Variants in MCM5 observed in about 807,000 individuals in gnomAD.
MCM5 encodes minichromosome maintenance complex component 5.
A neutral mutation model predicts 79.9 loss-of-function variants in MCM5; 46 were observed. The observed-to-expected ratio is 0.58, with a 90% CI of 0.45 to 0.74. The LOEUF (loss-of-function observed/expected upper bound fraction) is 0.74. MCM5 is among the 30% of genes least tolerant of loss of function. MCM5 has a pLI of 0.00. For missense variants in MCM5, 883 were observed against 1,017.0 expected (o/e 0.87, Z 1.79); for synonymous variants, 404 against 390.5 (o/e 1.03, Z -0.41).
At chr22:35,433,261 C>T in the MCM5 span, among the ~76,000 whole-genome samples, 15 of 152,180 alleles carry the variant, frequency 9.9e-5, no homozygotes, top group Non-Finnish European at 1.9e-4. Flanking sequence ...CATGATAGAA[C>T]TTCAACCCTT....
intron 15 of MCM5, chr22:35,422,961 C>T (rs1932732278): frequency 3.1e-6 from 1 of 327,224 alleles, no homozygotes; most frequent in Non-Finnish European, 5.5e-6. Flanking sequence ...CTGCGCTGGG[C>T]CCCGGGCTGC....
chr22:35,417,542 C>A (rs1932577593), intron 12 of MCM5, among the ~76,000 whole-genome samples: 1 of 152,238 alleles, frequency 6.6e-6, no homozygotes, highest in Non-Finnish European at 1.5e-5. Flanking sequence ...ATTAAGTTCT[C>A]TCTAAAGGAG....
downstream of MCM5, among the ~76,000 whole-genome samples, chr22:35,428,010 T>TCG (rs1272508591): frequency 4.5e-5 from 6 of 133,048 alleles, no homozygotes; most frequent in Admixed American, 7.2e-5. Flanking sequence ...CCCCCATCGC[T>TCG]CTCTCTCTCT....
intron 2 of MCM5, chr22:35,401,510 G>C (rs1372373356): frequency 4.3e-6 from 2 of 467,618 alleles, no homozygotes; most frequent in African/African-American, 2.0e-5. Flanking sequence ...TCATAGGCCC[G>C]GCCTCTATCC....
chr22:35,453,819 T>TATATAGAGAGAGAGAGAG, the MCM5 span, among the ~76,000 whole-genome samples: 13 of 81,546 alleles, frequency 1.6e-4, no homozygotes, highest in African/African-American at 5.4e-4. Flanking sequence ...TATATATATA[T>TATATAGAGAGAGAGAGAG]AGAGAGAGAG....
In MCM5 at chr22:35,416,637, G is replaced by A; in HGVS notation, c.1414-1G>A. On this transcript the variant is annotated splice_acceptor_variant, in intron 11 of 16. Transcript: ENST00000216122. LOFTEE classifies it high-confidence loss of function. ...CCTTTTCGTCGTCTGTCGCCTGTTAGGCTGGGATCACCACCACCCTGAACT... is the reference window on the plus strand; with the variant it reads ...CCTTTTCGTCGTCTGTCGCCTGTTAAGCTGGGATCACCACCACCCTGAACT... 6.2e-7 allele frequency: 1 copy of A among 1,612,556 alleles called. No individual in the cohort carries two copies. Among genetic ancestry groups the A allele is most frequent in the Non-Finnish European group, 8.5e-7 (1 of 1,179,076 alleles).
chr22:35,454,681 C>T, the MCM5 span, among the ~76,000 whole-genome samples: 223 of 152,290 alleles, frequency 1.5e-3, no homozygotes, highest in African/African-American at 5.1e-3. Flanking sequence ...GACCTTCTGC[C>T]GGACAGTGCT....
At chr22:35,416,509 A>AGTGTGTGTGTGTGTGTGTG in intron 11 of MCM5, 105 bp downstream of exon 11, 1 of 1,028,658 alleles carries the variant, frequency 9.7e-7, no homozygotes, top group South Asian at 1.4e-5. Context: ...CAGGCCTAGA[A>AGTGTGTGTGTGTGTGTGTG]TCTGTGTGTG....
At position 35,424,454 on chromosome 22, in the gene MCM5, A is replaced by G. The variant is rs1321574954; in HGVS notation, c.*199A>G. On this transcript the variant is annotated 3_prime_UTR_variant, in exon 17 of 17. Transcript: ENST00000216122. ...GCCCGCCTCTAGCGCGGTTCTGGGAAGTGTGCTTTTGGCATCCGTTAATAA... is the reference window on the plus strand; with the variant it reads ...GCCCGCCTCTAGCGCGGTTCTGGGAGGTGTGCTTTTGGCATCCGTTAATAA... 37 of 516,048 alleles carry G rather than the reference A, an allele frequency of 7.2e-5. No individual in the cohort carries two copies. The highest frequency in any genetic ancestry group is 4.8e-4 in the Middle Eastern group (1 of 2,082). The allele number at this position is 516,048 out of a possible 1,614,324, so 32.0% of individuals were successfully genotyped here.
intron 15 of MCM5, 41 bp downstream of exon 15, chr22:35,421,501 T>A (rs775559499): frequency 6.2e-7 from 1 of 1,613,300 alleles, no homozygotes; most frequent in South Asian, 1.1e-5. Context: ...TGATCTGGGT[T>A]CCCTGGCTCG....
intron 4 of MCM5, among the ~76,000 whole-genome samples, chr22:35,406,296 A>AGCCCCCC (rs1555903416): frequency 1.7e-5 from 2 of 120,918 alleles, no homozygotes; most frequent in Non-Finnish European, 1.7e-5. Flanking sequence ...TTGCCCTGCC[A>AGCCCCCC]CCTCCCCCCC....
At position 35,423,200 on chromosome 22, in the gene MCM5, C is replaced by T. The variant is rs201311606; in HGVS notation, c.1976-14C>T. ...TCCCAGCTCCCCGGCTGCCTCACTT[C>T]TCCATGCCCACAGGGGTGGAGGGCT... On this transcript the variant is annotated splice_polypyrimidine_tract_variant and intron_variant, in intron 15 of 16. Coordinates refer to ENST00000216122, the MANE Select transcript of MCM5 (RefSeq NM_006739.4). 226 of 1,551,828 alleles carry T rather than the reference C, an allele frequency of 1.5e-4. No homozygotes were observed. The highest frequency in any genetic ancestry group is 1.9e-4 in the Non-Finnish European group (214 of 1,141,734).
chr22:35,416,770 A>G lies in MCM5; in HGVS notation c.1546A>G (p.Met516Val), dbSNP rs1287037029. The change falls in exon 12 of 17, where the codon ATG (methionine) becomes GTG (valine). Residue 516 changes from methionine to valine, a missense_variant. Met to Val is a conservative substitution (Grantham distance 21). Transcript: ENST00000216122. Reference protein sequence around the residue: ...FMPTILSRFDMIFIVKDEHNE... With the variant: ...FMPTILSRFDVIFIVKDEHNE... ...GCCCACCATCTTGTCGCGCTTCGAC[A>G]TGATCTTCATCGTCAAGGATGAGCA... 1.2e-6 allele frequency: 2 copies of G among 1,614,130 alleles called. No individual in the cohort carries two copies. Among genetic ancestry groups the G allele is most frequent in the South Asian group, 1.1e-5 (1 of 91,078 alleles).
chr22:35,438,816 C>T, the MCM5 span, among the ~76,000 whole-genome samples: 486 of 31,366 alleles, frequency 0.015, 11 homozygotes, highest in Middle Eastern at 0.024. Flanking sequence ...TCCATCCATC[C>T]GTCCATCCAC....
At chr22:35,434,456 G>A in the MCM5 span, among the ~76,000 whole-genome samples, 1 of 152,176 alleles carries the variant, frequency 6.6e-6, no homozygotes, top group Non-Finnish European at 1.5e-5. Context: ...TCCCAGGGGA[G>A]CTCTCTGATT....
chr22:35,404,152 GAAA>G (rs901235986), intron 4 of MCM5, among the ~76,000 whole-genome samples: 1 of 148,292 alleles, frequency 6.7e-6, no homozygotes, highest in African/African-American at 2.5e-5. Flanking sequence ...ACTTTATCCC[GAAA>G]AAAAAAAGTT....
the MCM5 span, among the ~76,000 whole-genome samples, chr22:35,436,279 A>G: frequency 2.0e-5 from 3 of 151,812 alleles, no homozygotes; most frequent in Admixed American, 6.6e-5. Context: ...AGCTCTTAAC[A>G]GCCTCCCCAC....
chr22:35,452,529 T>A, the MCM5 span, among the ~76,000 whole-genome samples: 1 of 152,046 alleles, frequency 6.6e-6, no homozygotes, highest in African/African-American at 2.4e-5. Flanking sequence ...ACGCTAAGGA[T>A]CATAGTCACC....
rs757379808 is a variant in MCM5 at position 35,419,868 on chromosome 22, C to T, written c.1704-16C>T. ...CCCTCCTGGCCTCACACCAGCCTCT[C>T]CCCACTGTCCTGCAGGAAGTGTGGC... is the stretch of plus-strand genomic sequence containing the variant. On this transcript the variant is annotated splice_polypyrimidine_tract_variant and intron_variant, in intron 13 of 16. Coordinates refer to ENST00000216122, the MANE Select transcript of MCM5 (RefSeq NM_006739.4). 2 of 1,601,114 alleles carry T rather than the reference C, an allele frequency of 1.2e-6. No homozygotes were observed. The highest frequency in any genetic ancestry group is 2.7e-5 in the African/African-American group (2 of 74,728).
Sources: gnomAD v4.1 joint callset for allele counts (sites outside exome capture counted in the v4.1 genomes callset) on GRCh38, gnomAD v4.1.1 for gene constraint, MANE v1.5 for transcripts, NCBI Gene and HGNC (gene_info 2026-07-23, HGNC 2026-07-21) for gene names.